LZTS1: variants seen among roughly 807,000 people sequenced by gnomAD.
LZTS1 encodes leucine zipper tumor suppressor 1, also known as leucine zipper putative tumor suppressor 1.
A neutral mutation model predicts 45.8 loss-of-function variants in LZTS1; 31 were observed. The ratio of observed to expected loss-of-function variants is 0.68; its 90% CI spans 0.51 to 0.91. The LOEUF is 0.91. Ranked by LOEUF, LZTS1 falls within the 40% of genes least tolerant of loss-of-function variation. LZTS1 has a pLI of 0.00. For missense variants in LZTS1, 821 were observed against 788.9 expected, an observed-to-expected ratio of 1.04 and a Z score of -0.49; for synonymous variants, 359 against 357.3, an observed-to-expected ratio of 1.00 and a Z score of -0.05.
intron 1 of LZTS1, among the ~76,000 whole-genome samples, chr8:20,277,839 T>G (rs1229141161): frequency 6.6e-6 from 1 of 152,190 alleles, no homozygotes. Context: ...CTGTGTCTAA[T>G]GCCAATTCCA....
chr8:20,296,575 G>A (rs1291928644), intron 1 of LZTS1, among the ~76,000 whole-genome samples: 1 of 148,724 alleles, frequency 6.7e-6, no homozygotes, highest in African/African-American at 2.5e-5. Context: ...CTGACATCTT[G>A]GGAGTCTCTG....
intron 2 of LZTS1, 68 bp from the exon 3 acceptor site, chr8:20,253,653 G>T: frequency 7.7e-7 from 1 of 1,291,790 alleles, no homozygotes; most frequent in Non-Finnish European, 1.0e-6. Context: ...CCCTCCCCAG[G>T]CACGCGTGCC....
intron 1 of LZTS1, among the ~76,000 whole-genome samples, chr8:20,280,963 G>A (rs1291449545): frequency 6.6e-6 from 1 of 152,210 alleles, no homozygotes; most frequent in African/African-American, 2.4e-5. Context: ...GCAGCTCACA[G>A]TTCGCTTATC....
At chr8:20,273,671 C>T (rs1159136167) in intron 1 of LZTS1, among the ~76,000 whole-genome samples, 2 of 152,180 alleles carry the variant, frequency 1.3e-5, no homozygotes, top group Non-Finnish European at 2.9e-5. Flanking sequence ...CCCTGTCTCA[C>T]TATTGCTTTT....
At chr8:20,302,384 A>C (rs1801095724) in intron 1 of LZTS1, among the ~76,000 whole-genome samples, 1 of 152,044 alleles carries the variant, frequency 6.6e-6, no homozygotes, top group Non-Finnish European at 1.5e-5. Context: ...TGCTATCTCT[A>C]ATACCCATAT....
intron 1 of LZTS1, among the ~76,000 whole-genome samples, chr8:20,272,855 T>C (rs1399756243): frequency 6.6e-6 from 1 of 152,220 alleles, no homozygotes; most frequent in Non-Finnish European, 1.5e-5. Context: ...AGTTTTCTAT[T>C]ATTCTCTCCC....
Position 20,253,400 on chromosome 8 carries a change from G to T in LZTS1, c.531C>A (p.Asn177Lys). ...TGTGTGTGGGCAGGCTGGACATGGAGTTCCGGCCGGAGTCTGACAGCGCCC... is the reference window on the plus strand; with the variant it reads ...TGTGTGTGGGCAGGCTGGACATGGATTTCCGGCCGGAGTCTGACAGCGCCC... The part of the protein sequence containing the change: ...CSGALSDSGR[N>K]SMSSLPTHST... Residue 177 changes from asparagine to lysine, a missense_variant, in exon 3 of 4, where the codon AAC becomes AAA. Transcript: ENST00000381569. 1 of 1,612,238 alleles carries T rather than the reference G, an allele frequency of 6.2e-7. No homozygotes were observed. The highest frequency in any genetic ancestry group is 2.2e-5 in the East Asian group (1 of 44,834).
chr8:20,301,037 C>T (rs1274764696), intron 1 of LZTS1, among the ~76,000 whole-genome samples: 1 of 148,320 alleles, frequency 6.7e-6, no homozygotes, highest in African/African-American at 2.5e-5. Context: ...AGGAGAACTG[C>T]TTGAACCCAG....
At chr8:20,287,943 C>T (rs1356170383) in intron 1 of LZTS1, among the ~76,000 whole-genome samples, 2 of 150,298 alleles carry the variant, frequency 1.3e-5, no homozygotes, top group Non-Finnish European at 3.0e-5. Flanking sequence ...TCTTCCCCTT[C>T]CCTAGCCCAG....
At chr8:20,288,697 G>C (rs1800842561) in intron 1 of LZTS1, among the ~76,000 whole-genome samples, 1 of 152,056 alleles carries the variant, frequency 6.6e-6, no homozygotes, top group African/African-American at 2.4e-5. Context: ...CCACCACTGG[G>C]GCCCCTGGCA....
chr8:20,292,681 C>T (rs796094158), intron 1 of LZTS1, among the ~76,000 whole-genome samples: 5 of 152,308 alleles, frequency 3.3e-5, no homozygotes, highest in Middle Eastern at 3.4e-3. Context: ...GAAAGCGTCT[C>T]TCTACTGCTG....
chr8:20,256,503 T>C (rs1175602876), intron 1 of LZTS1, among the ~76,000 whole-genome samples: 2 of 151,928 alleles, frequency 1.3e-5, no homozygotes, highest in African/African-American at 4.8e-5. Flanking sequence ...GTTGTGGATT[T>C]AGATGTGGTG....
Position 20,253,122 on chromosome 8 carries a change from A to G in LZTS1, c.809T>C (p.Leu270Pro), listed in dbSNP as rs1799986277. ...CTGGAGGGCGCCCTCCCTCTCCAAC[A>G]GCTTCTGCTCCAGCTCCTGGATGCT... ...ECSIQELEQK[L>P]LEREGALQKL... is the part of the protein sequence containing the mutation. The change falls in exon 3 of 4, where the codon CTG (leucine) becomes CCG (proline). Residue 270 changes from leucine (L) to proline (P), a missense_variant. By Grantham distance (98) the Leu-to-Pro change is moderately conservative (BLOSUM62 -3). Transcript: ENST00000381569. 1.2e-6 allele frequency: 2 copies of G among 1,611,956 alleles called. No homozygotes were observed. The highest frequency in any genetic ancestry group is 1.7e-6 in the Non-Finnish European group (2 of 1,179,362).
rs1436658478 is a variant in LZTS1, at chr8:20,255,097, AG to A, written c.84del (p.Ser29ProfsTer14). 1 of 1,614,216 alleles carries A rather than the reference AG, an allele frequency of 6.2e-7. No homozygotes were observed. Among genetic ancestry groups the A allele is most frequent in the South Asian group, 1.1e-5 (1 of 91,084 alleles). On this transcript the variant is annotated frameshift_variant, in exon 2 of 4. Coordinates refer to ENST00000381569, the MANE Select transcript of LZTS1 (RefSeq NM_021020.5). LOFTEE classifies it high-confidence loss of function. ...TACCGGTTGAGCTTCTTGAGGTGGG[AG>A]GACTTGCGCAGCTTGTACTGCGAAG... ...CRASQYKLRK[S>X]SHLKKLNRYS...
intron 1 of LZTS1, among the ~76,000 whole-genome samples, chr8:20,270,566 C>A (rs1800451295): frequency 6.6e-6 from 1 of 152,104 alleles, no homozygotes; most frequent in Admixed American, 6.5e-5. Flanking sequence ...AGCAGGAAGG[C>A]TGGAAAGCCC....
At chr8:20,292,879 C>T (rs1394293209) in intron 1 of LZTS1, among the ~76,000 whole-genome samples, 1 of 152,138 alleles carries the variant, frequency 6.6e-6, no homozygotes, top group Non-Finnish European at 1.5e-5. Flanking sequence ...GTTCCTTCCC[C>T]TCTCTGGGCC....
chr8:20,286,367 G>C (rs1800792167), intron 1 of LZTS1, among the ~76,000 whole-genome samples: 2 of 152,260 alleles, frequency 1.3e-5, no homozygotes, highest in South Asian at 4.1e-4. Flanking sequence ...ACAAAAATAG[G>C]ACATGCTAAT....
chr8:20,298,944 CAAATGGCA>C (rs1563904258), intron 1 of LZTS1, among the ~76,000 whole-genome samples: 1 of 152,270 alleles, frequency 6.6e-6, no homozygotes, highest in African/African-American at 2.4e-5. Context: ...AGGGCTTTGC[CAAATGGCA>C]AAAGGAGCTA....
intron 3 of LZTS1, among the ~76,000 whole-genome samples, chr8:20,251,743 G>A (rs1226883636): frequency 6.6e-6 from 1 of 152,200 alleles, no homozygotes; most frequent in Non-Finnish European, 1.5e-5. Flanking sequence ...CTAGTCACTG[G>A]GTACAGCAGT....
Sources: gnomAD v4.1 joint callset for allele counts (sites outside exome capture counted in the v4.1 genomes callset) on GRCh38, gnomAD v4.1.1 for gene constraint, MANE v1.5 for transcripts, NCBI Gene and HGNC (gene_info 2026-07-23, HGNC 2026-07-21) for gene names.